RBBP8NL: variants seen among roughly 807,000 people sequenced by gnomAD.
RBBP8NL encodes RBBP8 N-terminal like, also known as RBBP8 N-terminal-like protein.
In RBBP8NL, 59 loss-of-function variants were observed where a neutral mutation model predicts 62.2. That is an observed-to-expected ratio of 0.95 (90% confidence interval 0.77 to 1.18). The LOEUF (loss-of-function observed/expected upper bound fraction) is 1.18, where lower values mean the gene tolerates loss of function less well. Ranked by LOEUF, RBBP8NL falls within the 50% of genes most tolerant of loss-of-function variation. The pLI is 0.00. For synonymous variants in RBBP8NL, 412 were observed against 394.1 expected, an observed-to-expected ratio of 1.05 and a Z score of -0.54; for missense variants, 896 against 899.5, an observed-to-expected ratio of 1.00 and a Z score of 0.05.
At chr20:62,424,681 A>G (rs35418657) in intron 1 of RBBP8NL, among the ~76,000 whole-genome samples, 39,810 of 152,016 alleles carry the variant, frequency 0.26, 5,306 homozygotes, top group Admixed American at 0.28. Context: ...GTCCTCATCC[A>G]GGGAATGGAC....
In RBBP8NL at chr20:62,419,685, G is replaced by A. The variant is rs1157280032; in HGVS notation, c.-38C>T. On this transcript the variant is annotated 5_prime_UTR_variant, in exon 2 of 14. Transcript: ENST00000252998. ...CCCTGGCCCGGGCCCCTCTGCGCTG[G>A]GGTTGTGGAGACGCCTGCAGCCTCT... is the stretch of plus-strand genomic sequence containing the variant. 14 of 1,608,602 alleles carry A rather than the reference G, an allele frequency of 8.7e-6. No individual in the cohort carries two copies. Among genetic ancestry groups the A allele is most frequent in the Non-Finnish European group, 1.2e-5 (14 of 1,177,844 alleles).
intron 1 of RBBP8NL, among the ~76,000 whole-genome samples, chr20:62,425,960 G>A (rs1268935940): frequency 6.7e-6 from 1 of 149,422 alleles, no homozygotes; most frequent in East Asian, 1.9e-4. Flanking sequence ...AGTGGGAGTG[G>A]CATAGCAGTG....
chr20:62,416,052 G>A (rs976365547), intron 6 of RBBP8NL, 107 bp from the exon 7 acceptor site: 4 of 1,460,744 alleles, frequency 2.7e-6, no homozygotes, highest in Non-Finnish European at 3.7e-6. Context: ...CAGCTGTCCC[G>A]ACACTGCCTG....
chr20:62,410,373 C>T lies in RBBP8NL; in HGVS notation c.*505G>A, dbSNP rs2146435397. The T allele has an allele frequency of 6.5e-6, 1 of 155,032 alleles. No individual in the cohort carries two copies. The highest frequency in any genetic ancestry group is 1.9e-4 in the East Asian group (1 of 5,258). 9.6% of individuals were successfully genotyped at this position (155,032 alleles called of 1,614,324 possible). A position where few individuals can be genotyped will look rare whatever the true frequency, so the allele number is the denominator to read the frequency against. ...CCACGAGGGGGCGTCCAAGATTGTG[C>T]TTGGAGCTTGGCGGGCAGGGGTGGG... is the stretch of plus-strand genomic sequence containing the variant. On this transcript the variant is annotated 3_prime_UTR_variant, in exon 14 of 14. Transcript: ENST00000252998.
intron 5 of RBBP8NL, 52 bp from the exon 6 acceptor site, chr20:62,416,288 C>CTGGGGGGG: frequency 2.9e-5 from 6 of 206,520 alleles, no homozygotes; most frequent in Non-Finnish European, 4.7e-5. Flanking sequence ...GGGACAGGGG[C>CTGGGGGGG]AGGGGTGGGG....
rs1415842610 is a variant in RBBP8NL, at chr20:62,414,531, C to T, written c.820G>A (p.Ala274Thr). ...AGCTTCGGGGCCTCATGGGTCATGGCGGAGGGCCGGGAGGCCCGCAGGAAG... is the reference window on the plus strand; with the variant it reads ...AGCTTCGGGGCCTCATGGGTCATGGTGGAGGGCCGGGAGGCCCGCAGGAAG... ...DSFLRASRPSAMTHEAPKLSP... is the reference protein window; with the variant it reads ...DSFLRASRPSTMTHEAPKLSP... Residue 274 changes from alanine (A) to threonine (T), a missense_variant, in exon 10 of 14, where the codon GCC (alanine) becomes ACC (threonine). Coordinates refer to ENST00000252998, the MANE Select transcript of RBBP8NL (RefSeq NM_080833.3). 21 of 1,429,826 alleles carry T rather than the reference C, an allele frequency of 1.5e-5. No individual in the cohort carries two copies. Among genetic ancestry groups the T allele is most frequent in the Non-Finnish European group, 1.9e-5 (21 of 1,086,536 alleles). 88.6% of individuals were successfully genotyped at this position (1,429,826 alleles called of 1,614,324 possible). A position where few individuals can be genotyped will look rare whatever the true frequency, so the allele number is the denominator to read the frequency against.
intron 4 of RBBP8NL, 34 bp downstream of exon 4, chr20:62,417,190 C>G (rs1322747552): frequency 6.6e-7 from 1 of 1,522,970 alleles, no homozygotes; most frequent in South Asian, 1.2e-5. Context: ...CCCACCGGTC[C>G]TGGCCATGCT....
intron 3 of RBBP8NL, among the ~76,000 whole-genome samples, chr20:62,417,977 A>G (rs6061522): frequency 0.012 from 470 of 40,638 alleles, 5 homozygotes; most frequent in Middle Eastern, 0.045. Context: ...TCCTGTCCAC[A>G]CACCGCCCCC....
Position 62,410,899 on chromosome 20 carries a change from G to A in RBBP8NL, c.1974C>T (p.Ser658=). The change falls in exon 14 of 14, where the codon AGC becomes AGT. Residue 658 remains serine (S), a synonymous_variant. Transcript: ENST00000252998. ...DAEDHSPSPN[S]SPWEET ...CTGGCTAGGTCTCCTCCCAGGGGCTGCTGTTGGGGGAGGGACTGTGGTCCT... is the reference window on the plus strand; with the variant it reads ...CTGGCTAGGTCTCCTCCCAGGGGCTACTGTTGGGGGAGGGACTGTGGTCCT... 1 of 1,612,680 alleles carries A rather than the reference G, an allele frequency of 6.2e-7. No homozygotes were observed. Among genetic ancestry groups the A allele is most frequent in the Non-Finnish European group, 8.5e-7 (1 of 1,179,320 alleles).
At chr20:62,425,935 A>G (rs1189453029) in intron 1 of RBBP8NL, among the ~76,000 whole-genome samples, 3 of 150,490 alleles carry the variant, frequency 2.0e-5, no homozygotes, top group Admixed American at 6.6e-5. Context: ...CAGTGACAGT[A>G]GCAGTAGCAG....
Position 62,416,749 on chromosome 20 carries a change from G to A in RBBP8NL, c.313+11C>T. 6.4e-7 allele frequency: 1 copy of A among 1,560,118 alleles called. No homozygotes were observed. Among genetic ancestry groups the A allele is most frequent in the Non-Finnish European group, 8.7e-7 (1 of 1,146,638 alleles). ...GGAGAGGACCCCGGTTGTCTGGTGG[G>A]TGGGGCTCACTGAGGATGAAGATGC... On this transcript the variant is annotated intron_variant, in intron 5 of 13. Transcript: ENST00000252998.
intron 11 of RBBP8NL, 137 bp from the exon 12 acceptor site, chr20:62,413,037 G>A: frequency 1.0e-6 from 1 of 1,003,570 alleles, no homozygotes; most frequent in Non-Finnish European, 1.5e-6. Flanking sequence ...CTGCCCCAGG[G>A]CACTGGCTGA....
chr20:62,416,879 G>A lies in RBBP8NL; in HGVS notation c.201-7C>T, dbSNP rs963278304. On this transcript the variant is annotated splice_region_variant and splice_polypyrimidine_tract_variant and intron_variant, in intron 4 of 13. Coordinates refer to ENST00000252998, the MANE Select transcript of RBBP8NL (RefSeq NM_080833.3). ...GCACAGGCCGGCCCGCAGCCTGCAG[G>A]GATGGGGACGCAGGGGGTGTGAGGG... is the stretch of plus-strand genomic sequence containing the variant. 1.9e-6 allele frequency: 3 copies of A among 1,546,392 alleles called. No individual in the cohort carries two copies. The highest frequency in any genetic ancestry group is 1.9e-5 in the Admixed American group (1 of 51,912).
At chr20:62,425,013 G>A (rs1234871902) in intron 1 of RBBP8NL, among the ~76,000 whole-genome samples, 1 of 152,118 alleles carries the variant, frequency 6.6e-6, no homozygotes, top group East Asian at 1.9e-4. Context: ...TGGGGCTCTC[G>A]GACCCATCTC....
In RBBP8NL at chr20:62,411,332, C is replaced by T. The variant is rs530817383; in HGVS notation, c.1877-336G>A. Among the ~76,000 whole-genome samples the T allele has an allele frequency of 1.7e-3, 262 of 152,346 alleles. 2 individuals carry two copies. Among genetic ancestry groups the T allele is most frequent in the Middle Eastern group, 0.014 (4 of 292 alleles). On this transcript the variant is annotated intron_variant, in intron 13 of 13. Coordinates refer to ENST00000252998, the MANE Select transcript of RBBP8NL (RefSeq NM_080833.3). The stretch of plus-strand genomic sequence containing the variant: ...CTGCGGGCCTCAGCAGGCCTGCCCC[C>T]GGGCTAGGGCCACATGGGAGGGGCG...
chr20:62,411,534 C>T (rs1988434593), intron 13 of RBBP8NL, among the ~76,000 whole-genome samples: 1 of 152,258 alleles, frequency 6.6e-6, no homozygotes, highest in Admixed American at 6.5e-5. Context: ...TCAATTTCTG[C>T]ACCAGCCAAA....
intron 10 of RBBP8NL, 120 bp from the exon 11 acceptor site, chr20:62,413,665 C>G: frequency 7.1e-7 from 1 of 1,402,834 alleles, no homozygotes; most frequent in Non-Finnish European, 9.5e-7. Context: ...GCCTGCCTTT[C>G]CCTTTATAGT....
Position 62,413,814 on chromosome 20 carries a change from T to C in RBBP8NL, c.1530+7A>G. ...GACCGGGTCTGAGCCAGGACCGGGCTCCTTACCATGGGAGTGGAAGCCTCC... is the reference window on the plus strand; with the variant it reads ...GACCGGGTCTGAGCCAGGACCGGGCCCCTTACCATGGGAGTGGAAGCCTCC... On this transcript the variant is annotated splice_region_variant and intron_variant, in intron 10 of 13. Coordinates refer to ENST00000252998, the MANE Select transcript of RBBP8NL (RefSeq NM_080833.3). 6.3e-7 allele frequency: 1 copy of C among 1,589,764 alleles called. No homozygotes were observed. The highest frequency in any genetic ancestry group is 8.5e-7 in the Non-Finnish European group (1 of 1,169,710).
At chr20:62,416,294 T>TCGGGGGGGGGGGGC in intron 5 of RBBP8NL, 58 bp from the exon 6 acceptor site, 1 of 515,308 alleles carries the variant, frequency 1.9e-6, no homozygotes, top group Non-Finnish European at 3.8e-6. Flanking sequence ...GGGGCAGGGG[T>TCGGGGGGGGGGGGC]GGGGTCGTCA....
Sources: allele counts gnomAD v4.1 joint callset (sites outside exome capture counted in the v4.1 genomes callset), GRCh38; gene constraint gnomAD v4.1.1; transcripts MANE v1.5; gene names NCBI Gene and HGNC (gene_info 2026-07-23, HGNC 2026-07-21).